Variants in GRIK2 observed in about 807,000 individuals in gnomAD.
GRIK2 encodes the protein glutamate receptor ionotropic, kainate 2.
Under a neutral mutation model 100.3 loss-of-function variants are expected in GRIK2, and 32 were observed. That is an observed-to-expected ratio of 0.32 (90% CI 0.24 to 0.43). GRIK2 has a LOEUF of 0.43. Among genes scored for constraint, GRIK2 ranks in the 20% least tolerant of loss-of-function variants. The pLI, the probability that GRIK2 is intolerant of heterozygous loss-of-function variation, is 1.00. For missense variants in GRIK2, 843 were observed against 1,114.9 expected, an observed-to-expected ratio of 0.76 and a Z score of 3.47; for synonymous variants, 417 against 389.4, an observed-to-expected ratio of 1.07 and a Z score of -0.83.
chr6:101,449,117 A>G (rs1326240408), intron 2 of GRIK2, among the ~76,000 whole-genome samples: 1 of 151,690 alleles, frequency 6.6e-6, no homozygotes, highest in Non-Finnish European at 1.5e-5. Flanking sequence ...AATAATTCAC[A>G]TATCAAGAAA....
intron 7 of GRIK2, among the ~76,000 whole-genome samples, chr6:101,709,750 A>C (rs1350242774): frequency 6.6e-6 from 1 of 151,768 alleles, no homozygotes; most frequent in Non-Finnish European, 1.5e-5. Context: ...ATTTAAGTTT[A>C]TGGCTATAGC....
intron 12 of GRIK2, among the ~76,000 whole-genome samples, chr6:101,891,897 T>A (rs1032905661): frequency 6.6e-6 from 1 of 152,110 alleles, no homozygotes; most frequent in African/African-American, 2.4e-5. Flanking sequence ...TTTTTTATAG[T>A]GACAGACACA....
chr6:101,751,606 T>C (rs942545072), intron 7 of GRIK2, among the ~76,000 whole-genome samples: 2 of 152,134 alleles, frequency 1.3e-5, no homozygotes, highest in African/African-American at 2.4e-5. Context: ...CTTCATTTTT[T>C]CCCCCCTACC....
chr6:101,722,136 A>G (rs1774527788), intron 7 of GRIK2, among the ~76,000 whole-genome samples: 1 of 152,000 alleles, frequency 6.6e-6, no homozygotes, highest in Non-Finnish European at 1.5e-5. Flanking sequence ...TACATCCTGA[A>G]CATTTCTGAA....
chr6:101,525,717 A>T (rs1427936289), intron 2 of GRIK2, among the ~76,000 whole-genome samples: 1 of 152,202 alleles, frequency 6.6e-6, no homozygotes, highest in African/African-American at 2.4e-5. Context: ...CACTTTATAA[A>T]AAATAAGTTC....
intron 2 of GRIK2, among the ~76,000 whole-genome samples, chr6:101,580,143 C>T (rs1046737945): frequency 1.4e-4 from 22 of 152,146 alleles, no homozygotes; most frequent in African/African-American, 5.3e-4. Context: ...TAATTAGTAT[C>T]TCATCTCTGG....
intron 2 of GRIK2, among the ~76,000 whole-genome samples, chr6:101,440,027 A>T (rs1769955466): frequency 6.6e-6 from 1 of 152,274 alleles, no homozygotes; most frequent in East Asian, 1.9e-4. Flanking sequence ...TGAGGTTATG[A>T]CCAAATTGTT....
intron 10 of GRIK2, among the ~76,000 whole-genome samples, chr6:101,831,958 G>A (rs1317637661): frequency 6.6e-6 from 1 of 151,878 alleles, no homozygotes; most frequent in Non-Finnish European, 1.5e-5. Flanking sequence ...ATTAGTGGTG[G>A]TATTTATTAA....
intron 12 of GRIK2, among the ~76,000 whole-genome samples, chr6:101,918,869 A>T (rs2791792): frequency 6.6e-6 from 1 of 151,570 alleles, no homozygotes; most frequent in Non-Finnish European, 1.5e-5. Context: ...ACATGAAATC[A>T]CATTAGTACA....
chr6:101,506,003 C>A (rs2128276105), intron 2 of GRIK2, among the ~76,000 whole-genome samples: 1 of 152,082 alleles, frequency 6.6e-6, no homozygotes, highest in Non-Finnish European at 1.5e-5. Flanking sequence ...AAATATAAAT[C>A]TTTTTGAGTA....
chr6:101,720,415 A>G (rs1019119434), intron 7 of GRIK2, among the ~76,000 whole-genome samples: 1 of 152,012 alleles, frequency 6.6e-6, no homozygotes, highest in African/African-American at 2.4e-5. Context: ...TTGTTTAAGC[A>G]TAGCAGTTAA....
At chr6:101,737,299 T>A (rs1464586685) in intron 7 of GRIK2, among the ~76,000 whole-genome samples, 1 of 152,168 alleles carries the variant, frequency 6.6e-6, no homozygotes, top group Admixed American at 6.5e-5. Flanking sequence ...AGTTCCAATT[T>A]ACAGTATTAG....
At chr6:102,057,705 C>T (rs1771532430) in intron 16 of GRIK2, among the ~76,000 whole-genome samples, 2 of 151,838 alleles carry the variant, frequency 1.3e-5, no homozygotes, top group Non-Finnish European at 2.9e-5. Context: ...CCCTTTCACA[C>T]CTGTCCCTGT....
chr6:101,546,986 A>C (rs1776274300), intron 2 of GRIK2, among the ~76,000 whole-genome samples: 1 of 148,544 alleles, frequency 6.7e-6, no homozygotes, highest in African/African-American at 2.5e-5. Context: ...GCCCGCCACT[A>C]CGCCCAGCTA....
intron 2 of GRIK2, among the ~76,000 whole-genome samples, chr6:101,482,988 C>T (rs1188352967): frequency 1.3e-5 from 2 of 152,184 alleles, no homozygotes; most frequent in Non-Finnish European, 2.9e-5. Context: ...CAATTATTTA[C>T]ATCCAACGTG....
At chr6:101,769,793 C>A (rs140126529) in intron 7 of GRIK2, among the ~76,000 whole-genome samples, 1 of 151,988 alleles carries the variant, frequency 6.6e-6, no homozygotes, top group African/African-American at 2.4e-5. Context: ...GGAATATGCA[C>A]GTCAAAGTAA....
At chr6:101,985,375 G>C (rs2128490588) in intron 14 of GRIK2, among the ~76,000 whole-genome samples, 1 of 151,782 alleles carries the variant, frequency 6.6e-6, no homozygotes, top group Non-Finnish European at 1.5e-5. Context: ...ATATGATAAA[G>C]TTTCACCTCC....
chr6:101,700,876 T>G (rs1772844176), intron 7 of GRIK2, among the ~76,000 whole-genome samples: 1 of 152,054 alleles, frequency 6.6e-6, no homozygotes, highest in South Asian at 2.1e-4. Context: ...AAGGAATGAT[T>G]GAATGGGAAG....
chr6:101,873,219 A>G (rs557443977), intron 11 of GRIK2, among the ~76,000 whole-genome samples: 112 of 147,140 alleles, frequency 7.6e-4, no homozygotes, highest in African/African-American at 2.7e-3. Flanking sequence ...TACATTAGGT[A>G]TATCTCCTAA....
Sources: gnomAD v4.1 joint callset for allele counts (sites outside exome capture counted in the v4.1 genomes callset) on GRCh38, gnomAD v4.1.1 for gene constraint, MANE v1.5 for transcripts, NCBI Gene and HGNC (gene_info 2026-07-23, HGNC 2026-07-21) for gene names.